L3MBTL4: variants seen among roughly 807,000 people sequenced by gnomAD.
L3MBTL4 encodes the protein L3MBTL histone methyl-lysine binding protein 4, also known as lethal(3)malignant brain tumor-like protein 4.
Under a neutral mutation model 84.5 loss-of-function variants are expected in L3MBTL4, and 70 were observed. The observed-to-expected ratio is 0.83, with a 90% CI of 0.68 to 1.01. L3MBTL4 has a LOEUF of 1.01. Ranked by LOEUF, L3MBTL4 falls within the 50% of genes least tolerant of loss-of-function variation. L3MBTL4 has a pLI of 0.00. For missense variants in L3MBTL4, 715 were observed against 754.8 expected (o/e 0.95, Z 0.62); for synonymous variants, 274 against 259.8 (o/e 1.05, Z -0.52).
At chr18:6,238,066 G>A (rs372839100) in intron 9 of L3MBTL4, 26 bp from the exon 10 acceptor site, 118 of 1,598,064 alleles carry the variant, frequency 7.4e-5, no homozygotes, top group African/African-American at 1.7e-4. Flanking sequence ...TCTATATTAC[G>A]TTCCGTTTTA....
At chr18:6,239,976 G>A in intron 8 of L3MBTL4, 104 bp from the exon 9 acceptor site, 1 of 1,174,506 alleles carries the variant, frequency 8.5e-7, no homozygotes, top group Non-Finnish European at 1.2e-6. Flanking sequence ...AAAGTCTACA[G>A]GTGTCAGCAC....
intron 16 of L3MBTL4, among the ~76,000 whole-genome samples, chr18:6,023,685 G>GAA (rs2145527184): frequency 6.6e-6 from 1 of 152,320 alleles, no homozygotes; most frequent in African/African-American, 2.4e-5. Context: ...AATTGTAACT[G>GAA]AAAACCTAGT....
chr18:6,144,263 G>T (rs1486795729), intron 13 of L3MBTL4, among the ~76,000 whole-genome samples: 2 of 148,220 alleles, frequency 1.3e-5, no homozygotes, highest in African/African-American at 2.5e-5. Context: ...TTATCACAAT[G>T]CTGTGAGATC....
intron 16 of L3MBTL4, among the ~76,000 whole-genome samples, chr18:6,073,166 A>G (rs939717064): frequency 6.6e-6 from 1 of 151,272 alleles, no homozygotes; most frequent in Admixed American, 6.6e-5. Context: ...AAAAACAGAG[A>G]GAGAGAGAGT....
intron 14 of L3MBTL4, among the ~76,000 whole-genome samples, chr18:6,097,195 C>T (rs547735881): frequency 2.6e-5 from 4 of 152,192 alleles, no homozygotes; most frequent in African/African-American, 7.2e-5. Flanking sequence ...AGAGGATATA[C>T]GCTAAATAAA....
At chr18:6,352,021 A>G (rs1253948953) in intron 1 of L3MBTL4, among the ~76,000 whole-genome samples, 1 of 152,270 alleles carries the variant, frequency 6.6e-6, no homozygotes, top group Middle Eastern at 3.4e-3. Flanking sequence ...TATTGTGCTT[A>G]TATTATTTTC....
At chr18:6,259,344 T>C (rs1291024188) in intron 5 of L3MBTL4, 1 of 152,252 alleles carries the variant, frequency 6.6e-6, no homozygotes, top group Non-Finnish European at 1.5e-5. Flanking sequence ...TGCAACTCCA[T>C]GTGCCTTTCT....
In L3MBTL4 at chr18:6,204,942, A is replaced by C. The variant is rs575989834; in HGVS notation, c.981+8207T>G. ...AGCTGTTGATTACACAGTAGACCTCATCTCTTCTACTCCTTTTTACTGAAT... is the reference window on the plus strand; with the variant it reads ...AGCTGTTGATTACACAGTAGACCTCCTCTCTTCTACTCCTTTTTACTGAAT... On this transcript the variant is annotated intron_variant, in intron 12 of 18. Coordinates refer to ENST00000317931, the MANE Select transcript of L3MBTL4 (RefSeq NM_001330559.2). Among the ~76,000 whole-genome samples the C allele has an allele frequency of 5.9e-5, 9 of 152,372 alleles. No homozygotes were observed. In the South Asian group the frequency reaches 1.9e-3, roughly 32 times the overall value.
Position 6,207,044 on chromosome 18 carries a change from G to A in L3MBTL4, c.981+6105C>T, listed in dbSNP as rs551818464. Among the ~76,000 whole-genome samples, 5 of 152,320 alleles carry A rather than the reference G, an allele frequency of 3.3e-5. No individual in the cohort carries two copies. The South Asian group carries it at 1.0e-3, about 32-fold the overall frequency. On this transcript the variant is annotated intron_variant, in intron 12 of 18. Coordinates refer to ENST00000317931, the MANE Select transcript of L3MBTL4 (RefSeq NM_001330559.2). ...AAGACCCTTATTACCACCTGTTTCTGTGAGTCCCATGAGCTAAAAATGTTT... is the reference window on the plus strand; with the variant it reads ...AAGACCCTTATTACCACCTGTTTCTATGAGTCCCATGAGCTAAAAATGTTT...
chr18:5,958,130 A>AAGAAGAAGAAGAAGAAAAAG (rs1555616536), intron 18 of L3MBTL4, among the ~76,000 whole-genome samples: 1 of 31,816 alleles, frequency 3.1e-5, no homozygotes, highest in Non-Finnish European at 7.8e-5. Flanking sequence ...AGAAGAAGAA[A>AAGAAGAAGAAGAAGAAAAAG]AAGAAGAAGA....
intron 16 of L3MBTL4, among the ~76,000 whole-genome samples, chr18:6,036,508 T>C (rs1311465887): frequency 6.6e-6 from 1 of 152,212 alleles, no homozygotes; most frequent in Non-Finnish European, 1.5e-5. Context: ...ATTTTGTTAA[T>C]ACATTGTTCT....
At chr18:5,995,497 C>T (rs1479615203) in intron 16 of L3MBTL4, among the ~76,000 whole-genome samples, 2 of 152,124 alleles carry the variant, frequency 1.3e-5, no homozygotes, top group Non-Finnish European at 2.9e-5. Flanking sequence ...ACTCTGAATC[C>T]AGCCAAGGTT....
intron 5 of L3MBTL4, among the ~76,000 whole-genome samples, chr18:6,253,894 T>C (rs147883499): frequency 4.2e-4 from 64 of 152,362 alleles, no homozygotes; most frequent in African/African-American, 1.4e-3. Context: ...GATTTTCTTC[T>C]GGCTTTCTCT....
chr18:6,055,353 A>G (rs1319210691), intron 16 of L3MBTL4, among the ~76,000 whole-genome samples: 5 of 152,222 alleles, frequency 3.3e-5, no homozygotes, highest in South Asian at 4.1e-4. Flanking sequence ...TTATCTTTCA[A>G]ATCACTAGGC....
chr18:6,099,960 G>T (rs929284740), intron 14 of L3MBTL4, among the ~76,000 whole-genome samples: 6 of 152,062 alleles, frequency 3.9e-5, no homozygotes, highest in Non-Finnish European at 5.9e-5. Flanking sequence ...TGAAATCCTG[G>T]ATATTATAAT....
chr18:6,330,642 A>AT, intron 1 of L3MBTL4, among the ~76,000 whole-genome samples: 1 of 152,346 alleles, frequency 6.6e-6, no homozygotes, highest in East Asian at 1.9e-4. Flanking sequence ...CTTTCCATAC[A>AT]ACATAATATT....
At chr18:6,278,746 C>T (rs1196455779) in intron 4 of L3MBTL4, among the ~76,000 whole-genome samples, 1 of 152,066 alleles carries the variant, frequency 6.6e-6, no homozygotes, top group African/African-American at 2.4e-5. Flanking sequence ...TTCAAATGTT[C>T]AACCTTTTCC....
intron 7 of L3MBTL4, 39 bp downstream of exon 7, chr18:6,243,255 T>C (rs375347622): frequency 5.5e-6 from 8 of 1,447,010 alleles, no homozygotes; most frequent in African/African-American, 1.4e-5. Flanking sequence ...GAAATACCAA[T>C]TGATTCTCTT....
At chr18:6,163,288 T>G (rs1598963655) in intron 13 of L3MBTL4, among the ~76,000 whole-genome samples, 1 of 126,144 alleles carries the variant, frequency 7.9e-6, no homozygotes, top group African/African-American at 3.4e-5. Flanking sequence ...TGTGTGTGTG[T>G]GTGTGTGTGT....
Sources: gnomAD v4.1 joint callset for allele counts (sites outside exome capture counted in the v4.1 genomes callset) on GRCh38, gnomAD v4.1.1 for gene constraint, MANE v1.5 for transcripts, NCBI Gene and HGNC (gene_info 2026-07-23, HGNC 2026-07-21) for gene names.